ABCA13: variants seen among roughly 807,000 people sequenced by gnomAD.
ABCA13 encodes ATP-binding cassette sub-family A member 13.
ABCA13 carries 476 observed loss-of-function variants against 478.7 expected under a neutral mutation model. That is an observed-to-expected ratio of 0.99 (90% CI 0.92 to 1.07). The LOEUF is 1.07. Among genes scored for constraint, ABCA13 ranks in the 50% least tolerant of loss-of-function variants. The pLI is 0.00. For synonymous variants in ABCA13, 2,252 were observed against 2,158.9 expected, an observed-to-expected ratio of 1.04 and a Z score of -1.20; for missense variants, 6,060 against 5,910.6, an observed-to-expected ratio of 1.03 and a Z score of -0.83.
intron 30 of ABCA13, 142 bp downstream of exon 30, chr7:48,350,961 A>G: frequency 1.1e-6 from 1 of 927,318 alleles, no homozygotes; most frequent in Non-Finnish European, 1.6e-6. Flanking sequence ...ATAAAGCAGA[A>G]CTGTTTACCT....
chr7:48,233,612 T>G (rs1001935498), intron 7 of ABCA13, among the ~76,000 whole-genome samples: 8 of 152,252 alleles, frequency 5.3e-5, no homozygotes, highest in African/African-American at 9.6e-5. Context: ...CCCTGGATAC[T>G]AGACACTTAA....
chr7:48,376,019 C>A (rs1813421584), intron 34 of ABCA13, among the ~76,000 whole-genome samples: 1 of 151,958 alleles, frequency 6.6e-6, no homozygotes, highest in South Asian at 2.1e-4. Flanking sequence ...TAATAATTTC[C>A]CACCCTAGTT....
intron 59 of ABCA13, among the ~76,000 whole-genome samples, chr7:48,630,622 T>C (rs892649148): frequency 6.6e-6 from 1 of 152,212 alleles, no homozygotes; most frequent in Non-Finnish European, 1.5e-5. Context: ...AACATATACA[T>C]GCATGTGTCT....
At chr7:48,377,592 G>A (rs1813704122) in intron 35 of ABCA13, among the ~76,000 whole-genome samples, 2 of 152,122 alleles carry the variant, frequency 1.3e-5, no homozygotes, top group African/African-American at 4.8e-5. Context: ...ATGGGCCACT[G>A]AAAAGATCAT....
chr7:48,201,615 G>C (rs1798734175), intron 3 of ABCA13, among the ~76,000 whole-genome samples: 1 of 152,176 alleles, frequency 6.6e-6, no homozygotes, highest in African/African-American at 2.4e-5. Flanking sequence ...AACTATTCAG[G>C]AGGCTGAGGC....
intron 47 of ABCA13, among the ~76,000 whole-genome samples, chr7:48,484,784 G>T (rs1829123975): frequency 6.6e-6 from 1 of 152,208 alleles, no homozygotes. Context: ...ACCCTTTGGG[G>T]ACTGAGCTCC....
At chr7:48,318,909 T>G (rs894904814) in intron 27 of ABCA13, among the ~76,000 whole-genome samples, 13 of 152,250 alleles carry the variant, frequency 8.5e-5, no homozygotes, top group African/African-American at 3.1e-4. Flanking sequence ...CATATTATGA[T>G]GTATTCTGCA....
intron 59 of ABCA13, among the ~76,000 whole-genome samples, chr7:48,617,402 A>G (rs1792689599): frequency 6.6e-6 from 1 of 152,070 alleles, no homozygotes; most frequent in Non-Finnish European, 1.5e-5. Context: ...GGAGAAGGCG[A>G]GGGTTTTGGA....
chr7:48,489,484 A>G (rs1829652849), intron 48 of ABCA13, 140 bp downstream of exon 48: 1 of 658,356 alleles, frequency 1.5e-6, no homozygotes, highest in African/African-American at 1.8e-5. Flanking sequence ...CCGTGTCTAA[A>G]CACAATACCA....
In ABCA13 at chr7:48,635,220, CAAA is replaced by C. The variant is rs11364153; in HGVS notation, c.14838-8052_14838-8050del. ...GTTGAACTTCTCCACATTTTGTTGC[CAAA>C]AAAAAAAAAAAAAAACCTAAAAACT... On this transcript the variant is annotated intron_variant, in intron 59 of 61. Transcript: ENST00000435803. Among the ~76,000 whole-genome samples the C allele has an allele frequency of 7.6e-4, 94 of 124,192 alleles. 1 individual carries two copies. The highest frequency in any genetic ancestry group is 2.1e-3 in the South Asian group (8 of 3,784). 81.5% of individuals were successfully genotyped at this position (124,192 alleles called of 152,430 possible).
chr7:48,501,059 C>T (rs1830697650), intron 48 of ABCA13, among the ~76,000 whole-genome samples: 1 of 152,126 alleles, frequency 6.6e-6, no homozygotes, highest in South Asian at 2.1e-4. Flanking sequence ...CTGTCCAGTG[C>T]CCCGGTTTTC....
chr7:48,441,058 G>A (rs891055074), intron 42 of ABCA13, among the ~76,000 whole-genome samples: 3 of 152,104 alleles, frequency 2.0e-5, no homozygotes, highest in African/African-American at 7.2e-5. Flanking sequence ...AGTCTAGGAT[G>A]CATTAAAACA....
intron 27 of ABCA13, among the ~76,000 whole-genome samples, chr7:48,330,741 C>A (rs1306684003): frequency 7.1e-6 from 1 of 140,340 alleles, no homozygotes; most frequent in Non-Finnish European, 1.6e-5. Context: ...ATTGACACAT[C>A]CATCCATCCA....
intron 33 of ABCA13, among the ~76,000 whole-genome samples, chr7:48,372,812 T>A (rs1449363132): frequency 1.3e-5 from 2 of 152,182 alleles, no homozygotes; most frequent in Non-Finnish European, 2.9e-5. Context: ...AAAAGCTAGA[T>A]TTCTAAAGCA....
intron 43 of ABCA13, among the ~76,000 whole-genome samples, chr7:48,464,828 G>A (rs1038722728): frequency 2.0e-5 from 3 of 152,176 alleles, no homozygotes; most frequent in South Asian, 2.1e-4. Context: ...CCAGTAATGA[G>A]AACAAGGGTA....
In ABCA13 at chr7:48,387,794, A is replaced by C. The variant is rs749190838; in HGVS notation, c.11336-28A>C. 1.1e-5 allele frequency: 17 copies of C among 1,498,196 alleles called. 1 individual carries two copies. In the South Asian group the frequency reaches 2.2e-4, roughly 19 times the overall value. The allele number at this position is 1,498,196 out of a possible 1,614,324, so 92.8% of individuals were successfully genotyped here. The stretch of plus-strand genomic sequence containing the variant: ...GTACCTTCATCTAAATAAAAAATTA[A>C]ACTAATTTTAATTGTTTCATTTTTT... On this transcript the variant is annotated intron_variant, in intron 35 of 61. Coordinates refer to ENST00000435803, the MANE Select transcript of ABCA13 (RefSeq NM_152701.5).
At chr7:48,382,732 A>G (rs1403793143) in intron 35 of ABCA13, among the ~76,000 whole-genome samples, 1 of 151,030 alleles carries the variant, frequency 6.6e-6, no homozygotes, top group Non-Finnish European at 1.5e-5. Flanking sequence ...ACCTATGATG[A>G]CAATATCATC....
chr7:48,234,185 G>A, intron 8 of ABCA13, 34 bp downstream of exon 8: 1 of 1,613,330 alleles, frequency 6.2e-7, no homozygotes, highest in Non-Finnish European at 8.5e-7. Context: ...ACACCGCTGG[G>A]CCTTTCCTGG....
At chr7:48,293,205 C>CCCT (rs1554419833) in intron 20 of ABCA13, among the ~76,000 whole-genome samples, 1 of 134,782 alleles carries the variant, frequency 7.4e-6, no homozygotes, top group Admixed American at 7.5e-5. Flanking sequence ...CCCCCCCCGC[C>CCCT]ACACACACAC....
Sources: allele counts gnomAD v4.1 joint callset (sites outside exome capture counted in the v4.1 genomes callset), GRCh38; gene constraint gnomAD v4.1.1; transcripts MANE v1.5; gene names NCBI Gene and HGNC (gene_info 2026-07-23, HGNC 2026-07-21).